PLEKHN1: variants seen among roughly 807,000 people sequenced by gnomAD.
PLEKHN1 encodes pleckstrin homology domain containing N1.
In PLEKHN1, 68 loss-of-function variants were observed where a neutral mutation model predicts 72.8. The ratio of observed to expected loss-of-function variants is 0.93; its 90% CI spans 0.77 to 1.14. The LOEUF is 1.14. Among genes scored for constraint, PLEKHN1 ranks in the 50% most tolerant of loss-of-function variants. PLEKHN1 has a pLI of 0.00. For synonymous variants in PLEKHN1, 454 were observed against 371.6 expected (o/e 1.22, Z -2.55); for missense variants, 1,015 against 840.5 (o/e 1.21, Z -2.57).
intron 11 of PLEKHN1, 72 bp downstream of exon 11, chr1:973,082 G>A (rs1484336998): frequency 6.5e-7 from 1 of 1,527,562 alleles, no homozygotes; most frequent in Admixed American, 2.0e-5. Context: ...GGGGACCCTG[G>A]TTCCTCAGGG....
Position 971,193 on chromosome 1 carries a change from G to T in PLEKHN1, c.693G>T (p.Gln231His). 1 of 1,580,838 alleles carries T rather than the reference G, an allele frequency of 6.3e-7. No individual in the cohort carries two copies. The change falls in exon 7 of 16, where the codon CAG becomes CAT. Residue 231 changes from glutamine (Q) to histidine (H), a missense_variant. Physicochemically the swap from Gln to His is conservative, Grantham distance 24. Transcript: ENST00000379410. The stretch of plus-strand genomic sequence containing the variant: ...TCTGTGCCTCGAGGGTCAAGCTGCA[G>T]CACCTGCCCGCACAGGTGGGTGGGA... ...SAVCASRVKL[Q>H]HLPAQEQWDR...
At chr1:969,545 C>T (rs899673480) in intron 2 of PLEKHN1, among the ~76,000 whole-genome samples, 2 of 151,432 alleles carry the variant, frequency 1.3e-5, no homozygotes, top group African/African-American at 4.9e-5. Context: ...TGTATGTGCA[C>T]GTGTGTATGT....
chr1:973,453 G>C, intron 12 of PLEKHN1, 47 bp from the exon 13 acceptor site: 6 of 1,602,676 alleles, frequency 3.7e-6, no homozygotes, highest in Non-Finnish European at 5.1e-6. Context: ...GGGTGGCCTA[G>C]GCTGTTTCTA....
Position 970,217 on chromosome 1 carries a change from C to T in PLEKHN1, c.184-60C>T, listed in dbSNP as rs1284680371. 1.3e-5 allele frequency: 21 copies of T among 1,560,990 alleles called. No homozygotes were observed. The highest frequency in any genetic ancestry group is 2.9e-5 in the African/African-American group (2 of 70,158). On this transcript the variant is annotated intron_variant, in intron 2 of 15. Transcript: ENST00000379410. The surrounding 1 kb of genome is among the most constrained non-coding windows in gnomAD (Gnocchi z 4.2). ...CTATAGTCCTGTAGCTGTGTGGATGCGAGCGGAGGGGGTGGGGGGCCCAGG... is the reference window on the plus strand; with the variant it reads ...CTATAGTCCTGTAGCTGTGTGGATGTGAGCGGAGGGGGTGGGGGGCCCAGG...
At chr1:971,252 C>T (rs1353228840) in intron 7 of PLEKHN1, 44 bp downstream of exon 7, 1 of 1,557,056 alleles carries the variant, frequency 6.4e-7, no homozygotes, top group Admixed American at 1.9e-5. Context: ...GGGAGGGGTG[C>T]ATGGTGGTGG....
chr1:966,857 G>A (rs899188765), intron 2 of PLEKHN1, 54 bp downstream of exon 2: 17 of 1,493,744 alleles, frequency 1.1e-5, no homozygotes, highest in Admixed American at 6.2e-5. Context: ...CTGCCCGCGC[G>A]TGTGTGCCGT....
Position 973,583 on chromosome 1 carries a change from C to T in PLEKHN1, c.1377C>T (p.Pro459=). ...CACACTCGCCCCTCTATGCCGACCC[C>T]TACACACCACCCGCCACCTCCCACC... is the stretch of plus-strand genomic sequence containing the variant. ...ETSHSPLYAD[P]YTPPATSHRR... Residue 459 remains proline, a synonymous_variant, in exon 13 of 16, where the codon CCC becomes CCT. Coordinates refer to ENST00000379410, the MANE Select transcript of PLEKHN1 (RefSeq NM_032129.3). 6.2e-7 allele frequency: 1 copy of T among 1,613,348 alleles called. No homozygotes were observed. Among genetic ancestry groups the T allele is most frequent in the Non-Finnish European group, 8.5e-7 (1 of 1,179,990 alleles).
intron 8 of PLEKHN1, chr1:971,627 G>A: frequency 5.0e-6 from 3 of 604,880 alleles, no homozygotes; most frequent in Non-Finnish European, 8.8e-6. Flanking sequence ...CGTCACCCTG[G>A]GGCGGGCAGC....
At chr1:968,828 C>T (rs1416483731) in intron 2 of PLEKHN1, among the ~76,000 whole-genome samples, 1 of 152,222 alleles carries the variant, frequency 6.6e-6, no homozygotes, top group Non-Finnish European at 1.5e-5. Context: ...GAACATGCAG[C>T]AGCCAGAGAG....
rs202110609 is a variant in PLEKHN1, at chr1:974,377, C to T, written c.1702+13C>T. The T allele has an allele frequency of 6.2e-7, 1 of 1,612,884 alleles. No homozygotes were observed. The highest frequency in any genetic ancestry group is 8.5e-7 in the Non-Finnish European group (1 of 1,179,984). On this transcript the variant is annotated intron_variant, in intron 15 of 15. Transcript: ENST00000379410. ...CTGCCTCTGACAGGTGAGTAAGGATCCTGCCTCCTGAGGTGAGTGCCTGTT... is the reference window on the plus strand; with the variant it reads ...CTGCCTCTGACAGGTGAGTAAGGATTCTGCCTCCTGAGGTGAGTGCCTGTT...
At chr1:969,702 A>G (rs578132089) in intron 2 of PLEKHN1, among the ~76,000 whole-genome samples, 116 of 151,286 alleles carry the variant, frequency 7.7e-4, no homozygotes, top group Middle Eastern at 3.4e-3. Context: ...ATAAGTGCGT[A>G]TGTGTGTTCC....
At position 972,291 on chromosome 1, in the gene PLEKHN1, C is replaced by A. The variant is rs1557650247; in HGVS notation, c.869C>A (p.Pro290His). Residue 290 changes from proline (P) to histidine (H), a missense_variant, in exon 10 of 16, where the codon CCC becomes CAC. By Grantham distance (77) the Pro-to-His change is moderately conservative (BLOSUM62 -2). Transcript: ENST00000379410. ...CCTCACAGCATCTGTATGCCAGGCC[C>A]CCTCATCAACACCATCCGCGTGGTG... ...KQIRSFLIEG[P>H]LINTIRVVCA... is the part of the protein sequence containing the mutation. The A allele has an allele frequency of 6.2e-7, 1 of 1,610,752 alleles. No individual in the cohort carries two copies. The highest frequency in any genetic ancestry group is 8.5e-7 in the Non-Finnish European group (1 of 1,178,624).
chr1:967,608 G>T (rs1229271999), intron 2 of PLEKHN1, among the ~76,000 whole-genome samples: 2 of 152,122 alleles, frequency 1.3e-5, no homozygotes, highest in African/African-American at 4.8e-5. Flanking sequence ...GGGTCCAGCA[G>T]CTGGCATGGC....
chr1:970,818 C>T lies in PLEKHN1; in HGVS notation c.484+60C>T, dbSNP rs1643279080. The T allele has an allele frequency of 1.9e-6, 3 of 1,612,644 alleles. No homozygotes were observed. Among genetic ancestry groups the T allele is most frequent in the South Asian group, 2.2e-5 (2 of 91,080 alleles). ...TCCTGACCCAGGACTTGGAGAGGGGCCTGCCCTGTGGCTGCGGAGCACGTG... is the reference window on the plus strand; with the variant it reads ...TCCTGACCCAGGACTTGGAGAGGGGTCTGCCCTGTGGCTGCGGAGCACGTG... On this transcript the variant is annotated intron_variant, in intron 5 of 15. Transcript: ENST00000379410. This position sits in a 1 kb window ranked among gnomAD's most constrained non-coding sequence, Gnocchi z 4.2.
rs779689469 is a variant in PLEKHN1 at position 970,651 on chromosome 1, G to A, written c.412-35G>A. ...GGCCATGGCCGCCCTTCCCTCCATG[G>A]ATCCCTGAAGCTCCTCCTACCCTGT... On this transcript the variant is annotated intron_variant, in intron 4 of 15. Coordinates refer to ENST00000379410, the MANE Select transcript of PLEKHN1 (RefSeq NM_032129.3). The surrounding 1 kb of genome is among the most constrained non-coding windows in gnomAD (Gnocchi z 4.2). 44 of 1,601,818 alleles carry A rather than the reference G, an allele frequency of 2.7e-5. No homozygotes were observed. The highest frequency in any genetic ancestry group is 3.3e-5 in the Non-Finnish European group (39 of 1,173,012).
intron 2 of PLEKHN1, among the ~76,000 whole-genome samples, chr1:967,793 G>C (rs992362189): frequency 6.6e-6 from 1 of 152,234 alleles, no homozygotes; most frequent in East Asian, 1.9e-4. Context: ...TGGGGTCCCT[G>C]TGGCTGCATC....
Position 974,738 on chromosome 1 carries a change from T to G in PLEKHN1, c.*163T>G. The G allele has an allele frequency of 1.0e-5, 8 of 764,186 alleles. No homozygotes were observed. Among genetic ancestry groups the G allele is most frequent in the Admixed American group, 3.2e-5 (1 of 31,476 alleles). The allele number at this position is 764,186 out of a possible 1,614,324, so 47.3% of individuals were successfully genotyped here. ...CCGTCCCTCAGCTCCTGTTCCTTGG[T>G]GCCAGCAGCTGGGGCAGGGAAGGGT... is the stretch of plus-strand genomic sequence containing the variant. On this transcript the variant is annotated 3_prime_UTR_variant, in exon 16 of 16. Transcript: ENST00000379410.
At chr1:969,548 G>A (rs185023829) in intron 2 of PLEKHN1, among the ~76,000 whole-genome samples, 9 of 149,104 alleles carry the variant, frequency 6.0e-5, no homozygotes, top group African/African-American at 2.1e-4. Flanking sequence ...ATGTGCACGT[G>A]TGTATGTGTA....
Position 970,737 on chromosome 1 carries a change from G to C in PLEKHN1, c.463G>C (p.Glu155Gln). ...LSVCPLEGSR[E>Q]HAFQITGPLP... is the part of the protein sequence containing the mutation. The stretch of plus-strand genomic sequence containing the variant: ...TGTCTGCCCGCTCGAGGGGTCCCGA[G>C]AGCACGCCTTCCAGATCACAGGTGT... The change falls in exon 5 of 16, where the codon GAG becomes CAG. Residue 155 changes from glutamate to glutamine, a missense_variant. Coordinates refer to ENST00000379410, the MANE Select transcript of PLEKHN1 (RefSeq NM_032129.3). The surrounding 1 kb of genome is among the most constrained non-coding windows in gnomAD (Gnocchi z 4.2). 1 of 1,609,226 alleles carries C rather than the reference G, an allele frequency of 6.2e-7. No homozygotes were observed. The highest frequency in any genetic ancestry group is 8.5e-7 in the Non-Finnish European group (1 of 1,177,548).
Sources: allele counts gnomAD v4.1 joint callset (sites outside exome capture counted in the v4.1 genomes callset), GRCh38; gene constraint gnomAD v4.1.1; non-coding constraint Gnocchi (gnomAD v3.1); transcripts MANE v1.5; gene names NCBI Gene and HGNC (gene_info 2026-07-23, HGNC 2026-07-21).